COL4A2: variants seen among roughly 807,000 people sequenced by gnomAD.
The protein encoded by COL4A2 is collagen type IV alpha 2 chain, also known as collagen alpha-2(IV) chain.
Under a neutral mutation model 200.2 loss-of-function variants are expected in COL4A2, and 99 were observed. The ratio of observed to expected loss-of-function variants is 0.49; its 90% CI spans 0.42 to 0.58. COL4A2 has a LOEUF of 0.58. Among genes scored for constraint, COL4A2 ranks in the 20% least tolerant of loss-of-function variants. The pLI is 0.00. For synonymous variants in COL4A2, 897 were observed against 900.6 expected (o/e 1.00, Z 0.07); for missense variants, 1,950 against 2,314.1 (o/e 0.84, Z 3.23).
intron 6 of COL4A2, among the ~76,000 whole-genome samples, chr13:110,425,264 T>C (rs573961943): frequency 6.6e-6 from 1 of 152,332 alleles, no homozygotes; most frequent in African/African-American, 2.4e-5. Flanking sequence ...GCTAGAGTGC[T>C]GTCCAGATAC....
chr13:110,491,952 A>G (rs1594106297), intron 37 of COL4A2, 118 bp from the exon 38 acceptor site: 2 of 776,412 alleles, frequency 2.6e-6, no homozygotes, highest in Non-Finnish European at 4.0e-6. Context: ...TCCAACTGGC[A>G]CTGCGGCCCT....
rs377707552 is a variant in COL4A2, at chr13:110,352,936, G to A, written c.100-4536G>A. Among the ~76,000 whole-genome samples, 5 of 152,316 alleles carry A rather than the reference G, an allele frequency of 3.3e-5. No individual in the cohort carries two copies. In the East Asian group the frequency reaches 5.8e-4, roughly 18 times the overall value. On this transcript the variant is annotated intron_variant, in intron 3 of 47. Transcript: ENST00000360467. The stretch of plus-strand genomic sequence containing the variant: ...CGAGCCTGGATCACGTTCCACACCT[G>A]CAGTAGGAGCTGCAGGAACCTCCTG...
intron 46 of COL4A2, 84 bp from the exon 47 acceptor site, chr13:110,507,851 C>A: frequency 6.9e-7 from 1 of 1,455,402 alleles, no homozygotes; most frequent in Non-Finnish European, 9.5e-7. Context: ...GTCCGTGACA[C>A]ACAGCCTCCT....
intron 28 of COL4A2, among the ~76,000 whole-genome samples, chr13:110,470,572 T>C (rs1306399251): frequency 1.3e-5 from 2 of 152,214 alleles, no homozygotes; most frequent in Non-Finnish European, 2.9e-5. Flanking sequence ...CATCGTTCCA[T>C]GCCCTTGGAA....
intron 18 of COL4A2, among the ~76,000 whole-genome samples, chr13:110,449,053 CA>C (rs5806858): frequency 0.43 from 64,914 of 151,612 alleles, 14,084 homozygotes; most frequent in South Asian, 0.48. Context: ...TGACGCCCAG[CA>C]AAGCCCTCTC....
intron 4 of COL4A2, among the ~76,000 whole-genome samples, chr13:110,395,814 G>T (rs7991535): frequency 4.6e-5 from 7 of 152,186 alleles, no homozygotes; most frequent in African/African-American, 1.4e-4. Context: ...GTTTGGTGGC[G>T]CATGCCTGTA....
chr13:110,390,398 C>A (rs1445726831), intron 4 of COL4A2, among the ~76,000 whole-genome samples: 1 of 152,232 alleles, frequency 6.6e-6, no homozygotes, highest in Non-Finnish European at 1.5e-5. Flanking sequence ...AGCCTTGAAA[C>A]CTTTGCAGTT....
chr13:110,462,324 T>C lies in COL4A2; in HGVS notation c.1716T>C (p.Gly572=), dbSNP rs1407148937. ...TCCCAGGTGTGCCCGGGATGAAAGGTGACGATGGCAGCCCAGGCCGCGATG... is the reference window on the plus strand; with the variant it reads ...TCCCAGGTGTGCCCGGGATGAAAGGCGACGATGGCAGCCCAGGCCGCGATG... The part of the protein sequence containing the change: ...PGVPGVPGMK[G]DDGSPGRDGL... The change falls in exon 24 of 48, where the codon GGT becomes GGC. Residue 572 remains glycine (G), a synonymous_variant. Transcript: ENST00000360467. 6.2e-7 allele frequency: 1 copy of C among 1,614,060 alleles called. No homozygotes were observed.
At chr13:110,435,721 TA>T (rs1436220532) in intron 12 of COL4A2, among the ~76,000 whole-genome samples, 1 of 152,254 alleles carries the variant, frequency 6.6e-6, no homozygotes, top group Non-Finnish European at 1.5e-5. Context: ...ATGTTCTAGA[TA>T]GATCGGTTTC....
intron 4 of COL4A2, among the ~76,000 whole-genome samples, chr13:110,404,415 G>A (rs1163079713): frequency 6.6e-6 from 1 of 152,204 alleles, no homozygotes; most frequent in Admixed American, 6.5e-5. Context: ...GATATGGGCA[G>A]GGGGTGCAGA....
chr13:110,349,308 G>A (rs1264817295), intron 3 of COL4A2, among the ~76,000 whole-genome samples: 1 of 152,220 alleles, frequency 6.6e-6, no homozygotes, highest in African/African-American at 2.4e-5. Context: ...CGATTCCTCA[G>A]ACATCTACCA....
intron 33 of COL4A2, among the ~76,000 whole-genome samples, chr13:110,485,359 TA>T (rs1167616592): frequency 6.6e-6 from 1 of 151,796 alleles, no homozygotes; most frequent in African/African-American, 2.4e-5. Context: ...CCGTCTCTAC[TA>T]AAAATACAAA....
intron 4 of COL4A2, among the ~76,000 whole-genome samples, chr13:110,421,479 A>G (rs1324799558): frequency 1.3e-5 from 2 of 152,252 alleles, no homozygotes; most frequent in Non-Finnish European, 1.5e-5. Flanking sequence ...AGACACAAAA[A>G]GTCACACATC....
chr13:110,416,839 C>G (rs1282519790), intron 4 of COL4A2, among the ~76,000 whole-genome samples: 1 of 152,244 alleles, frequency 6.6e-6, no homozygotes, highest in African/African-American at 2.4e-5. Context: ...TAATTCGGTC[C>G]TGACCCACTT....
chr13:110,503,392 G>T lies in COL4A2; in HGVS notation c.4049G>T (p.Gly1350Val). 6.3e-7 allele frequency: 1 copy of T among 1,599,304 alleles called. No individual in the cohort carries two copies. The highest frequency in any genetic ancestry group is 1.7e-5 in the Admixed American group (1 of 57,212). Residue 1350 changes from glycine (G) to valine (V), a missense_variant, in exon 43 of 48, where the codon GGT (glycine) becomes GTT (valine). Gly to Val is a moderately radical substitution (Grantham distance 109, BLOSUM62 -3). Transcript: ENST00000360467. ...FGLPGEKGPRGEQGFMGNTGP... is the reference protein window; with the variant it reads ...FGLPGEKGPRVEQGFMGNTGP... ...CTTGTTTGTGTTGCAGGGCCCAGGG[G>T]TGAACAAGGCTTCATGGGGAACACT...
chr13:110,434,117 T>A (rs1001408634), intron 11 of COL4A2, among the ~76,000 whole-genome samples: 1 of 152,164 alleles, frequency 6.6e-6, no homozygotes, highest in Non-Finnish European at 1.5e-5. Flanking sequence ...CCCAGGGACA[T>A]GCTCTTAGAC....
chr13:110,510,142 C>T (rs1884037064), intron 47 of COL4A2, among the ~76,000 whole-genome samples: 1 of 152,234 alleles, frequency 6.6e-6, no homozygotes, highest in Non-Finnish European at 1.5e-5. Context: ...CCCACCGTCC[C>T]CAGTGGGTAC....
At chr13:110,469,818 C>T (rs759736937) in intron 28 of COL4A2, among the ~76,000 whole-genome samples, 20 of 150,724 alleles carry the variant, frequency 1.3e-4, no homozygotes, top group Non-Finnish European at 2.8e-4. Context: ...TGCAGCCAGG[C>T]GTCTGCAGAC....
chr13:110,369,998 G>A (rs1877932611), intron 4 of COL4A2, among the ~76,000 whole-genome samples: 1 of 152,124 alleles, frequency 6.6e-6, no homozygotes. Flanking sequence ...ACCTTGTTCT[G>A]AGCGTCTCAC....
Sources: gnomAD v4.1 joint callset for allele counts (sites outside exome capture counted in the v4.1 genomes callset) on GRCh38, gnomAD v4.1.1 for gene constraint, MANE v1.5 for transcripts, NCBI Gene and HGNC (gene_info 2026-07-23, HGNC 2026-07-21) for gene names.